The following NELL2 variants were observed in gnomAD, a reference collection of about 807,000 sequenced individuals.
NELL2 encodes the protein protein kinase C-binding protein NELL2.
Under a neutral mutation model 109.6 loss-of-function variants are expected in NELL2, and 41 were observed. The observed-to-expected ratio is 0.37, with a 90% CI of 0.29 to 0.49. The LOEUF (loss-of-function observed/expected upper bound fraction) is 0.49, where lower values mean the gene tolerates loss of function less well. Ranked by LOEUF, NELL2 falls within the 20% of genes least tolerant of loss-of-function variation. The pLI, the probability that NELL2 is intolerant of heterozygous loss-of-function variation, is 0.98. For synonymous variants in NELL2, 355 were observed against 344.7 expected, an observed-to-expected ratio of 1.03 and a Z score of -0.33; for missense variants, 900 against 1,008.3, an observed-to-expected ratio of 0.89 and a Z score of 1.45.
intron 9 of NELL2, among the ~76,000 whole-genome samples, chr12:44,735,592 C>G (rs891320974): frequency 1.3e-5 from 2 of 152,136 alleles, no homozygotes; most frequent in Non-Finnish European, 2.9e-5. Flanking sequence ...GCTTTTGTTT[C>G]TGTCCCCTTT....
chr12:44,590,409 C>A (rs946567019), intron 15 of NELL2, among the ~76,000 whole-genome samples: 3 of 152,102 alleles, frequency 2.0e-5, no homozygotes, highest in Non-Finnish European at 4.4e-5. Context: ...AAATGCAGCC[C>A]AGGTTCATCC....
chr12:44,710,374 A>G (rs1029494367), intron 11 of NELL2, among the ~76,000 whole-genome samples: 1 of 152,150 alleles, frequency 6.6e-6, no homozygotes, highest in Non-Finnish European at 1.5e-5. Flanking sequence ...TACATCAGTT[A>G]TAAGTACCAG....
intron 12 of NELL2, among the ~76,000 whole-genome samples, chr12:44,695,430 G>GCTCATGC (rs1447920032): frequency 1.3e-5 from 2 of 152,050 alleles, no homozygotes; most frequent in Non-Finnish European, 2.9e-5. Flanking sequence ...GGGCATACTG[G>GCTCATGC]CTCATGCCTG....
At chr12:44,778,285 G>T (rs1283142574) in intron 5 of NELL2, among the ~76,000 whole-genome samples, 2 of 152,130 alleles carry the variant, frequency 1.3e-5, no homozygotes, top group Non-Finnish European at 2.9e-5. Flanking sequence ...TTAATAGCAT[G>T]TATCAATGTG....
chr12:44,671,256 C>G (rs967495135), intron 12 of NELL2, among the ~76,000 whole-genome samples: 8 of 152,058 alleles, frequency 5.3e-5, no homozygotes, highest in African/African-American at 1.7e-4. Flanking sequence ...AAAATGAAAG[C>G]ACAACACAGC....
At chr12:44,758,688 A>G (rs992068270) in intron 9 of NELL2, among the ~76,000 whole-genome samples, 3 of 152,162 alleles carry the variant, frequency 2.0e-5, no homozygotes, top group Admixed American at 6.5e-5. Context: ...GATTAACTCA[A>G]TTCATTCAAT....
At chr12:44,796,494 A>G (rs1942625438) in intron 3 of NELL2, among the ~76,000 whole-genome samples, 1 of 152,138 alleles carries the variant, frequency 6.6e-6, no homozygotes, top group Non-Finnish European at 1.5e-5. Flanking sequence ...GAGGTTTCTT[A>G]ATAATAACTT....
chr12:44,657,699 A>C (rs1467771656), intron 13 of NELL2, among the ~76,000 whole-genome samples: 1 of 152,072 alleles, frequency 6.6e-6, no homozygotes. Context: ...CTCATTGTTC[A>C]ACACTCACTT....
chr12:44,655,307 TATATGG>T (rs1357358054), intron 13 of NELL2, among the ~76,000 whole-genome samples: 1 of 152,114 alleles, frequency 6.6e-6, no homozygotes, highest in Non-Finnish European at 1.5e-5. Flanking sequence ...CTGGAGGTTG[TATATGG>T]ATATGACAGA....
intron 2 of NELL2, among the ~76,000 whole-genome samples, chr12:44,870,307 T>C (rs1945126339): frequency 6.6e-6 from 1 of 152,174 alleles, no homozygotes; most frequent in Non-Finnish European, 1.5e-5. Flanking sequence ...TTTAAGGCAA[T>C]CTAGGCTTTT....
chr12:44,536,299 A>G (rs1017641042), intron 15 of NELL2, among the ~76,000 whole-genome samples: 2 of 152,076 alleles, frequency 1.3e-5, no homozygotes, highest in South Asian at 2.1e-4. Context: ...TATTTTGTCT[A>G]TATACAAATG....
chr12:44,672,337 G>A (rs1231554443), intron 12 of NELL2, among the ~76,000 whole-genome samples: 1 of 152,114 alleles, frequency 6.6e-6, no homozygotes, highest in Non-Finnish European at 1.5e-5. Context: ...TCTTATAGGA[G>A]TGCAACCCCT....
intron 15 of NELL2, among the ~76,000 whole-genome samples, chr12:44,592,161 C>T (rs1196134839): frequency 6.6e-6 from 1 of 152,132 alleles, no homozygotes; most frequent in Non-Finnish European, 1.5e-5. Flanking sequence ...ATGATTTAAC[C>T]TCCCTAAGCA....
At chr12:44,639,586 C>T (rs1946776800) in intron 13 of NELL2, among the ~76,000 whole-genome samples, 1 of 152,078 alleles carries the variant, frequency 6.6e-6, no homozygotes, top group Admixed American at 6.6e-5. Flanking sequence ...TTTCCTTTTC[C>T]CTCATTCTGT....
Position 44,532,695 on chromosome 12 carries a change from C to A in NELL2, c.1690G>T (p.Val564Phe), listed in dbSNP as rs749536021. 6.2e-7 allele frequency: 1 copy of A among 1,613,060 alleles called. No individual in the cohort carries two copies. Among genetic ancestry groups the A allele is most frequent in the Admixed American group, 1.7e-5 (1 of 59,912 alleles). ...TDIDECSDGF[V>F]QCDSRANCIN... is the part of the protein sequence containing the mutation. ...CAATTAGCACGACTGTCACATTGAA[C>A]AAAACCATCAGAGCATTCATCAATG... The change falls in exon 16 of 20, where the codon GTT becomes TTT. Residue 564 changes from valine to phenylalanine, a missense_variant. Coordinates refer to ENST00000429094, the MANE Select transcript of NELL2 (RefSeq NM_001145108.2).
intron 12 of NELL2, among the ~76,000 whole-genome samples, chr12:44,676,465 T>A (rs1048413494): frequency 2.0e-5 from 3 of 151,960 alleles, no homozygotes; most frequent in Non-Finnish European, 4.4e-5. Context: ...CATTAATGAG[T>A]TTGTTTACCA....
intron 9 of NELL2, among the ~76,000 whole-genome samples, chr12:44,728,263 CAGAT>C (rs1299670463): frequency 6.6e-6 from 1 of 151,884 alleles, no homozygotes; most frequent in African/African-American, 2.4e-5. Flanking sequence ...AATGACCAAA[CAGAT>C]ATTTAGAATA....
chr12:44,620,123 T>TG (rs1945996607), intron 13 of NELL2, among the ~76,000 whole-genome samples: 1 of 101,352 alleles, frequency 9.9e-6, no homozygotes, highest in Admixed American at 8.8e-5. Flanking sequence ...TGGGTTTTGT[T>TG]TTTTTTTTTT....
At chr12:44,851,300 A>G (rs146678693) in intron 2 of NELL2, among the ~76,000 whole-genome samples, 16 of 152,276 alleles carry the variant, frequency 1.1e-4, no homozygotes, top group South Asian at 4.1e-4. Flanking sequence ...TAATGAATTC[A>G]TATCTATAAA....
Sources: gnomAD v4.1 joint callset for allele counts (sites outside exome capture counted in the v4.1 genomes callset) on GRCh38, gnomAD v4.1.1 for gene constraint, MANE v1.5 for transcripts, NCBI Gene and HGNC (gene_info 2026-07-23, HGNC 2026-07-21) for gene names.